Variants in CCSER1 observed in about 807,000 individuals in gnomAD.
CCSER1 encodes coiled-coil serine rich protein 1.
In CCSER1, 41 loss-of-function variants were observed where a neutral mutation model predicts 82.0. The observed-to-expected ratio is 0.50, with a 90% CI of 0.39 to 0.65. CCSER1 has a LOEUF of 0.65. CCSER1 is among the 30% of genes least tolerant of loss of function. CCSER1 has a pLI of 0.00. For synonymous variants in CCSER1, 414 were observed against 383.9 expected, an observed-to-expected ratio of 1.08 and a Z score of -0.92; for missense variants, 1,119 against 1,064.2, an observed-to-expected ratio of 1.05 and a Z score of -0.72.
At chr4:90,404,706 C>A (rs965877282) in intron 4 of CCSER1, among the ~76,000 whole-genome samples, 13 of 152,172 alleles carry the variant, frequency 8.5e-5, no homozygotes, top group South Asian at 4.1e-4. Flanking sequence ...AGGCTCAGCC[C>A]AGAACCAGCC....
intron 10 of CCSER1, among the ~76,000 whole-genome samples, chr4:91,515,268 G>C (rs913093818): frequency 1.3e-5 from 2 of 152,092 alleles, no homozygotes; most frequent in Non-Finnish European, 2.9e-5. Context: ...GTAAAGTCAA[G>C]TCATGGGGGA....
At chr4:90,173,315 T>C (rs1732063319) in intron 1 of CCSER1, among the ~76,000 whole-genome samples, 1 of 149,868 alleles carries the variant, frequency 6.7e-6, no homozygotes, top group Admixed American at 6.7e-5. Context: ...TATGAAAGTA[T>C]TGATCTGCAA....
intron 10 of CCSER1, among the ~76,000 whole-genome samples, chr4:91,480,465 G>C (rs1757851298): frequency 6.6e-6 from 1 of 152,140 alleles, no homozygotes; most frequent in African/African-American, 2.4e-5. Context: ...TCTCATTGTG[G>C]TTTTGATTTG....
intron 1 of CCSER1, among the ~76,000 whole-genome samples, chr4:90,185,253 C>T (rs1045884212): frequency 6.6e-6 from 1 of 151,986 alleles, no homozygotes. Context: ...CAACAGATGC[C>T]TTCTGAGGAC....
intron 10 of CCSER1, among the ~76,000 whole-genome samples, chr4:91,567,160 T>A (rs1762930718): frequency 6.6e-6 from 1 of 152,116 alleles, no homozygotes; most frequent in Non-Finnish European, 1.5e-5. Context: ...TTCAGGAGCA[T>A]GTTGTTTAAT....
chr4:90,362,498 G>T (rs1465255021), intron 3 of CCSER1, among the ~76,000 whole-genome samples: 10 of 152,076 alleles, frequency 6.6e-5, no homozygotes, highest in Admixed American at 6.6e-4. Context: ...AAAACCAAAG[G>T]CTAGGTGTAA....
chr4:91,133,200 TCCCTTCTCTTCCTA>T (rs1225483765), intron 10 of CCSER1, among the ~76,000 whole-genome samples: 1 of 152,184 alleles, frequency 6.6e-6, no homozygotes, highest in Non-Finnish European at 1.5e-5. Context: ...TTTCTTCCCT[TCCCTTCTCTTCCTA>T]CCCCCTCCTC....
chr4:91,468,631 C>T (rs1313754934), intron 10 of CCSER1, among the ~76,000 whole-genome samples: 4 of 151,494 alleles, frequency 2.6e-5, no homozygotes, highest in African/African-American at 9.7e-5. Context: ...TGATTTTTTG[C>T]AAATTTTGGT....
chr4:91,153,975 G>A (rs1017234612), intron 10 of CCSER1, among the ~76,000 whole-genome samples: 3 of 151,960 alleles, frequency 2.0e-5, no homozygotes, highest in Non-Finnish European at 4.4e-5. Flanking sequence ...ACTTGAGGAG[G>A]CAGTCTGTCC....
chr4:90,590,865 T>A (rs979876436), intron 5 of CCSER1, among the ~76,000 whole-genome samples: 1 of 152,174 alleles, frequency 6.6e-6, no homozygotes, highest in Non-Finnish European at 1.5e-5. Context: ...GGGAATAGCA[T>A]TGAGTCTATA....
At position 91,599,112 on chromosome 4, in the gene CCSER1, TG is replaced by T; in HGVS notation, c.*56del. ...GGATAAAGATGGTTAGTGTTTCTCG[TG>T]CATAGTTCATATTAAAATTGTCATG... On this transcript the variant is annotated 3_prime_UTR_variant, in exon 11 of 11. Coordinates refer to ENST00000509176, the MANE Select transcript of CCSER1 (RefSeq NM_001145065.2). 7.0e-7 allele frequency: 1 copy of T among 1,438,280 alleles called. No homozygotes were observed. Among genetic ancestry groups the T allele is most frequent in the Non-Finnish European group, 9.2e-7 (1 of 1,087,706 alleles). 89.1% of individuals were successfully genotyped at this position (1,438,280 alleles called of 1,614,324 possible).
intron 9 of CCSER1, among the ~76,000 whole-genome samples, chr4:90,954,799 T>A (rs1733265058): frequency 6.9e-6 from 1 of 144,598 alleles, no homozygotes; most frequent in Non-Finnish European, 1.5e-5. Flanking sequence ...TAAAAAAAAA[T>A]GATTATCAAG....
chr4:90,994,338 T>G (rs1737304585), intron 9 of CCSER1, among the ~76,000 whole-genome samples: 1 of 152,100 alleles, frequency 6.6e-6, no homozygotes, highest in Non-Finnish European at 1.5e-5. Context: ...GACAAAATCA[T>G]CTAACACAAA....
At chr4:90,464,281 T>G (rs1385378471) in intron 4 of CCSER1, among the ~76,000 whole-genome samples, 2 of 152,200 alleles carry the variant, frequency 1.3e-5, no homozygotes, top group African/African-American at 2.4e-5. Context: ...TAGAAATAAA[T>G]AAGACTAGTG....
intron 9 of CCSER1, among the ~76,000 whole-genome samples, chr4:90,925,457 A>C (rs577504845): frequency 6.6e-6 from 1 of 152,304 alleles, no homozygotes; most frequent in South Asian, 2.1e-4. Flanking sequence ...TATAAATATA[A>C]AATGTAAGAC....
chr4:90,918,567 C>A (rs914249983), intron 8 of CCSER1, among the ~76,000 whole-genome samples: 1 of 124,700 alleles, frequency 8.0e-6, no homozygotes, highest in African/African-American at 3.8e-5. Context: ...CTTGAGTATG[C>A]GCACGTGCAA....
intron 3 of CCSER1, among the ~76,000 whole-genome samples, chr4:90,325,248 G>A (rs1340267876): frequency 6.6e-6 from 1 of 152,164 alleles, no homozygotes; most frequent in Admixed American, 6.5e-5. Context: ...AAATAGTCAT[G>A]TTGTAACAAT....
At chr4:91,251,311 CCTT>C (rs1046508260) in intron 10 of CCSER1, among the ~76,000 whole-genome samples, 1 of 152,054 alleles carries the variant, frequency 6.6e-6, no homozygotes, top group African/African-American at 2.4e-5. Flanking sequence ...AGATCATTTC[CCTT>C]ATTATGCAGG....
intron 1 of CCSER1, among the ~76,000 whole-genome samples, chr4:90,210,176 T>C (rs552223045): frequency 1.3e-5 from 2 of 152,320 alleles, no homozygotes; most frequent in South Asian, 4.1e-4. Flanking sequence ...AATTGAGCAG[T>C]CATTTCCCTT....
Sources: allele counts gnomAD v4.1 joint callset (sites outside exome capture counted in the v4.1 genomes callset), GRCh38; gene constraint gnomAD v4.1.1; transcripts MANE v1.5; gene names NCBI Gene and HGNC (gene_info 2026-07-23, HGNC 2026-07-21).